CCDC60: variants seen among roughly 807,000 people sequenced by gnomAD.
CCDC60 encodes the protein coiled-coil domain-containing protein 60.
A neutral mutation model predicts 63.5 loss-of-function variants in CCDC60; 54 were observed. The observed-to-expected ratio is 0.85, with a 90% CI of 0.68 to 1.07. CCDC60 has a LOEUF of 1.07. Ranked by LOEUF, CCDC60 falls within the 50% of genes least tolerant of loss-of-function variation. The pLI, the probability that CCDC60 is intolerant of heterozygous loss-of-function variation, is 0.00. For missense variants in CCDC60, 651 were observed against 684.3 expected (o/e 0.95, Z 0.54); for synonymous variants, 206 against 238.8 (o/e 0.86, Z 1.27).
chr12:119,335,169 T>G lies in CCDC60; in HGVS notation c.-8T>G, dbSNP rs767096232. Reference sequence around the variant, plus strand: ...GGGGCACAGGCTAAAACCTGAAGGATTTTTAAGATGACCAAGGTTCCAGCC... The same window carrying G: ...GGGGCACAGGCTAAAACCTGAAGGAGTTTTAAGATGACCAAGGTTCCAGCC... On this transcript the variant is annotated 5_prime_UTR_variant, in exon 1 of 14. Transcript: ENST00000327554. 6.2e-7 allele frequency: 1 copy of G among 1,603,554 alleles called. No individual in the cohort carries two copies. Among genetic ancestry groups the G allele is most frequent in the South Asian group, 1.1e-5 (1 of 89,028 alleles).
intron 2 of CCDC60, among the ~76,000 whole-genome samples, chr12:119,432,281 T>C (rs922837890): frequency 1.3e-5 from 2 of 152,136 alleles, no homozygotes; most frequent in African/African-American, 4.8e-5. Context: ...AGAAAGAAGA[T>C]GGCATGGCGA....
chr12:119,501,445 G>T (rs1951849638), intron 6 of CCDC60, among the ~76,000 whole-genome samples: 1 of 152,198 alleles, frequency 6.6e-6, no homozygotes, highest in African/African-American at 2.4e-5. Context: ...AGAGCCAGAA[G>T]TTAATTCTGG....
chr12:119,507,569 TGTATATATAC>T (rs1456586203), intron 7 of CCDC60, among the ~76,000 whole-genome samples: 1,179 of 57,262 alleles, frequency 0.021, 38 homozygotes, highest in South Asian at 0.037. Flanking sequence ...TATATATATA[TGTATATATAC>T]ACATATATAT....
chr12:119,523,875 T>C, intron 11 of CCDC60, 57 bp downstream of exon 11: 1 of 1,570,210 alleles, frequency 6.4e-7, no homozygotes. Context: ...ACCTACTATA[T>C]GCCTGCCAGG....
At chr12:119,485,905 C>T (rs12425423) in intron 4 of CCDC60, among the ~76,000 whole-genome samples, 3 of 152,176 alleles carry the variant, frequency 2.0e-5, no homozygotes, top group African/African-American at 4.8e-5. Context: ...TGCTCACATG[C>T]CCCGCTTCCC....
chr12:119,479,943 A>G (rs1458359564), intron 4 of CCDC60, among the ~76,000 whole-genome samples: 6 of 151,572 alleles, frequency 4.0e-5, no homozygotes, highest in Non-Finnish European at 7.4e-5. Context: ...GTCTCCAGAC[A>G]TTACCAAATG....
chr12:119,484,268 T>G (rs1203552745), intron 4 of CCDC60, among the ~76,000 whole-genome samples: 1 of 152,216 alleles, frequency 6.6e-6, no homozygotes, highest in Non-Finnish European at 1.5e-5. Context: ...TTTATAAGAA[T>G]GAACTTAGTT....
intron 2 of CCDC60, among the ~76,000 whole-genome samples, chr12:119,452,576 AT>A (rs1950654244): frequency 6.6e-6 from 1 of 152,184 alleles, no homozygotes; most frequent in Non-Finnish European, 1.5e-5. Flanking sequence ...GCCTTGAAGG[AT>A]TGTTTTCAGA....
intron 7 of CCDC60, among the ~76,000 whole-genome samples, chr12:119,505,949 T>C (rs1158488922): frequency 9.5e-6 from 1 of 105,314 alleles, no homozygotes; most frequent in Non-Finnish European, 2.2e-5. Flanking sequence ...AGATATTTTA[T>C]ATCCTCTTTT....
intron 3 of CCDC60, 150 bp from the exon 4 acceptor site, chr12:119,478,944 T>C: frequency 1.5e-6 from 1 of 656,752 alleles, no homozygotes; most frequent in Non-Finnish European, 2.7e-6. Context: ...AGGAACTGCA[T>C]CTGAAACCCT....
At position 119,449,544 on chromosome 12, in the gene CCDC60, C is replaced by CA. The variant is rs368311352; in HGVS notation, c.170+20790dup. ...GTAAGAAGGTGCCATTATTACATGC[C>CA]AAAAAAAAGGCGTGTATTTAATTAG... On this transcript the variant is annotated intron_variant, in intron 2 of 13. Transcript: ENST00000327554. Among the ~76,000 whole-genome samples the CA allele has an allele frequency of 6.5e-3, 981 of 151,302 alleles. 11 individuals are homozygous for CA. Among genetic ancestry groups the CA allele is most frequent in the African/African-American group, 0.022 (924 of 41,266 alleles).
intron 3 of CCDC60, among the ~76,000 whole-genome samples, chr12:119,474,077 T>A (rs890596404): frequency 6.6e-6 from 1 of 152,218 alleles, no homozygotes; most frequent in South Asian, 2.1e-4. Flanking sequence ...CTAGTTTACA[T>A]TCCCGAAAAA....
chr12:119,366,658 G>T (rs1310692544), intron 1 of CCDC60, among the ~76,000 whole-genome samples: 1 of 152,202 alleles, frequency 6.6e-6, no homozygotes, highest in Non-Finnish European at 1.5e-5. Context: ...GATGGCATGT[G>T]CCTGTTCTCC....
intron 2 of CCDC60, among the ~76,000 whole-genome samples, chr12:119,433,018 A>G (rs2136241034): frequency 6.6e-6 from 1 of 152,272 alleles, no homozygotes; most frequent in Non-Finnish European, 1.5e-5. Flanking sequence ...GCTACAACAA[A>G]TCTCTTCCCA....
At chr12:119,349,337 CTT>C (rs34682909) in intron 1 of CCDC60, among the ~76,000 whole-genome samples, 41 of 126,266 alleles carry the variant, frequency 3.2e-4, no homozygotes, top group Admixed American at 1.1e-3. Flanking sequence ...GGGCGTGTTC[CTT>C]TTTTTTTTTT....
chr12:119,449,991 C>A (rs1286981358), intron 2 of CCDC60, among the ~76,000 whole-genome samples: 1 of 152,122 alleles, frequency 6.6e-6, no homozygotes, highest in Admixed American at 6.5e-5. Context: ...ATGTTTATTG[C>A]AGCACTATTC....
At chr12:119,400,942 C>A (rs1006931591) in intron 1 of CCDC60, among the ~76,000 whole-genome samples, 12 of 152,218 alleles carry the variant, frequency 7.9e-5, no homozygotes, top group Non-Finnish European at 1.5e-4. Flanking sequence ...AAAGATGAGG[C>A]TGATTCTGTG....
At chr12:119,424,057 G>A (rs1008486350) in intron 1 of CCDC60, among the ~76,000 whole-genome samples, 5 of 151,996 alleles carry the variant, frequency 3.3e-5, no homozygotes, top group South Asian at 2.1e-4. Context: ...AAAAATTATC[G>A]TTTAATTGCC....
intron 9 of CCDC60, among the ~76,000 whole-genome samples, chr12:119,520,472 C>T (rs575449): frequency 0.2 from 29,991 of 151,712 alleles, 3,745 homozygotes; most frequent in East Asian, 0.52. Flanking sequence ...CTCTTTCTCT[C>T]TACTTGGGTA....
Sources: allele counts gnomAD v4.1 joint callset (sites outside exome capture counted in the v4.1 genomes callset), GRCh38; gene constraint gnomAD v4.1.1; transcripts MANE v1.5; gene names NCBI Gene and HGNC (gene_info 2026-07-23, HGNC 2026-07-21).